The following IGSF22 variants were observed in gnomAD, a reference collection of about 807,000 sequenced individuals.
IGSF22 encodes immunoglobulin superfamily member 22.
Under a neutral mutation model 127.0 loss-of-function variants are expected in IGSF22, and 119 were observed. That is an observed-to-expected ratio of 0.94 (90% CI 0.81 to 1.09). The LOEUF is 1.09. Ranked by LOEUF, IGSF22 falls within the 50% of genes least tolerant of loss-of-function variation. The pLI is 0.00. For synonymous variants in IGSF22, 568 were observed against 664.7 expected (o/e 0.85, Z 2.24); for missense variants, 1,518 against 1,716.6 (o/e 0.88, Z 2.04).
At chr11:18,713,428 T>A (rs1848394679) in intron 14 of IGSF22, among the ~76,000 whole-genome samples, 1 of 152,194 alleles carries the variant, frequency 6.6e-6, no homozygotes, top group Non-Finnish European at 1.5e-5. Flanking sequence ...GCTGGGATTA[T>A]AGGTGTGAGC....
At position 18,717,016 on chromosome 11, in the gene IGSF22, G is replaced by A; in HGVS notation, c.974-16C>T. The A allele has an allele frequency of 6.2e-7, 1 of 1,613,110 alleles. No homozygotes were observed. The highest frequency in any genetic ancestry group is 8.5e-7 in the Non-Finnish European group (1 of 1,179,238). On this transcript the variant is annotated splice_polypyrimidine_tract_variant and intron_variant, in intron 9 of 22. Coordinates refer to ENST00000513874, the MANE Select transcript of IGSF22 (RefSeq NM_173588.4). ...AGTGGCTCATCTGCAGCAAACAGTA[G>A]GAGTGGTAGTCATTGGGCTGGTCCC...
rs1451678488 is a variant in IGSF22 at position 18,714,392 on chromosome 11, A to C, written c.1683T>G (p.Ile561Met). 1 of 1,613,998 alleles carries C rather than the reference A, an allele frequency of 6.2e-7. No homozygotes were observed. The highest frequency in any genetic ancestry group is 2.2e-5 in the East Asian group (1 of 44,872). The change falls in exon 13 of 23, where the codon ATT becomes ATG. Residue 561 changes from isoleucine (I) to methionine (M), a missense_variant. By Grantham distance (10) the Ile-to-Met change is conservative (BLOSUM62 1). Coordinates refer to ENST00000513874, the MANE Select transcript of IGSF22 (RefSeq NM_173588.4). ...GCTTGTGCACTGCACCCTGCTTCAC[A>C]ATCTGCATGCCTGGCAAGTCCGTGA... ...KEITDLPGMQ[I>M]VKQGAVHKLI... is the part of the protein sequence containing the mutation.
intron 7 of IGSF22, among the ~76,000 whole-genome samples, chr11:18,719,314 T>TTG (rs1848522490): frequency 7.3e-6 from 1 of 137,060 alleles, no homozygotes; most frequent in Admixed American, 7.2e-5. Context: ...CCAGCGGTTT[T>TTG]TTTTTGTTTT....
At chr11:18,721,145 G>A (rs1590455679) in intron 4 of IGSF22, among the ~76,000 whole-genome samples, 1 of 152,138 alleles carries the variant, frequency 6.6e-6, no homozygotes, top group Non-Finnish European at 1.5e-5. Context: ...CCTACTCTAC[G>A]GCGAGTCCCT....
Position 18,707,090 on chromosome 11 carries a change from C to G in IGSF22, c.3404G>C (p.Arg1135Pro), listed in dbSNP as rs1057009437. 1.3e-6 allele frequency: 2 copies of G among 1,551,606 alleles called. No individual in the cohort carries two copies. Among genetic ancestry groups the G allele is most frequent in the African/African-American group, 2.7e-5 (2 of 73,052 alleles). Residue 1135 changes from arginine to proline, a missense_variant, in exon 21 of 23, where the codon CGG becomes CCG. By Grantham distance (103) the Arg-to-Pro change is moderately radical. Transcript: ENST00000513874. ...GTACCAGGTGGCTGTGCTTGCATCC[C>G]GCTTCATGATGATGTAGTGAGCCTC... ...DGEAHYIIMK[R>P]DASTATWYTA... is the part of the protein sequence containing the mutation.
intron 7 of IGSF22, among the ~76,000 whole-genome samples, 185 bp from the exon 8 acceptor site, chr11:18,718,913 G>A (rs991453952): frequency 1.3e-5 from 2 of 152,164 alleles, no homozygotes; most frequent in African/African-American, 4.8e-5. Flanking sequence ...TACGGGGGAT[G>A]AGTAAAAAAC....
At chr11:18,704,759 G>T (rs971858847) in intron 22 of IGSF22, 1 of 516,446 alleles carries the variant, frequency 1.9e-6, no homozygotes, top group Non-Finnish European at 3.5e-6. Flanking sequence ...AAGCCTCATA[G>T]TCCTATAAAG....
In IGSF22 at chr11:18,721,422, CCCGGCTCTCGGGCCG is replaced by C; in HGVS notation, c.378+98_378+112del. 2.1e-6 allele frequency: 3 copies of C among 1,420,388 alleles called. No homozygotes were observed. In the South Asian group the frequency reaches 3.5e-5, roughly 16 times the overall value. 88.0% of individuals were successfully genotyped at this position (1,420,388 alleles called of 1,614,324 possible). A position where few individuals can be genotyped will look rare whatever the true frequency, so the allele number is the denominator to read the frequency against. On this transcript the variant is annotated intron_variant, in intron 4 of 22. Transcript: ENST00000513874. ...GCAATGACAGCTGCTTTTCCCACTGCCCGGCTCTCGGGCCGCCGTTAAGGCTCTCATCGGTGAGAA... is the reference window on the plus strand; with the variant it reads ...GCAATGACAGCTGCTTTTCCCACTGCCCGTTAAGGCTCTCATCGGTGAGAA...
At chr11:18,712,638 C>T (rs1214115023) in intron 14 of IGSF22, among the ~76,000 whole-genome samples, 1 of 152,220 alleles carries the variant, frequency 6.6e-6, no homozygotes, top group Non-Finnish European at 1.5e-5. Context: ...CTTAGCTGAT[C>T]TCCCTGTCCC....
chr11:18,720,017 CT>C, intron 6 of IGSF22, 46 bp downstream of exon 6: 3 of 1,612,918 alleles, frequency 1.9e-6, no homozygotes, highest in Non-Finnish European at 2.5e-6. Flanking sequence ...AGGCTTTGGC[CT>C]GGATGAGGAG....
chr11:18,710,250 C>T (rs1848326287), intron 17 of IGSF22, 77 bp downstream of exon 17: 1 of 1,573,768 alleles, frequency 6.4e-7, no homozygotes, highest in Non-Finnish European at 8.7e-7. Context: ...GTCATACTTT[C>T]CCGGGGAAGA....
intron 22 of IGSF22, chr11:18,705,563 AG>A: frequency 1.9e-6 from 1 of 539,264 alleles, no homozygotes; most frequent in Non-Finnish European, 3.3e-6. Flanking sequence ...AGGCAGGTCT[AG>A]GCTCACCAAG....
At chr11:18,711,541 G>A (rs1848356844) in intron 15 of IGSF22, among the ~76,000 whole-genome samples, 1 of 152,094 alleles carries the variant, frequency 6.6e-6, no homozygotes, top group Non-Finnish European at 1.5e-5. Flanking sequence ...AGGATGACAG[G>A]AGCCCGCCAC....
intron 2 of IGSF22, among the ~76,000 whole-genome samples, chr11:18,723,507 G>T (rs1255982678): frequency 6.6e-6 from 1 of 152,258 alleles, no homozygotes; most frequent in Non-Finnish European, 1.5e-5. Context: ...GGCAATGACT[G>T]TGAGAAGGGG....
chr11:18,718,567 G>T, intron 8 of IGSF22, 48 bp downstream of exon 8: 1 of 998,810 alleles, frequency 1.0e-6, no homozygotes, highest in Non-Finnish European at 1.6e-6. Context: ...GAAGGGGGTA[G>T]AGAGGAAGAG....
intron 7 of IGSF22, 51 bp downstream of exon 7, chr11:18,719,665 G>C: frequency 6.3e-7 from 1 of 1,576,562 alleles, no homozygotes; most frequent in Non-Finnish European, 8.6e-7. Context: ...AGCACTTTGG[G>C]TGAAGCCCTG....
rs1340520978 is a variant in IGSF22, at chr11:18,708,301, A to G, written c.2999-6T>C. 13 of 1,540,468 alleles carry G rather than the reference A, an allele frequency of 8.4e-6. No individual in the cohort carries two copies. The highest frequency in any genetic ancestry group is 1.1e-5 in the Non-Finnish European group (13 of 1,141,962). ...GAGGTCAAACTTGGGTGCAGCTGAG[A>G]TGGAGGAGACAGAGGTGGAGGCATG... On this transcript the variant is annotated splice_region_variant and splice_polypyrimidine_tract_variant and intron_variant, in intron 18 of 22. Transcript: ENST00000513874.
At chr11:18,712,472 A>G in intron 14 of IGSF22, 88 bp from the exon 15 acceptor site, 1 of 1,221,492 alleles carries the variant, frequency 8.2e-7, no homozygotes, top group Non-Finnish European at 1.1e-6. Flanking sequence ...TGCCCAGACT[A>G]GGGTATAGCT....
chr11:18,720,363 C>CTTTT, intron 4 of IGSF22, 78 bp from the exon 5 acceptor site: 1 of 845,270 alleles, frequency 1.2e-6, no homozygotes, highest in Non-Finnish European at 1.8e-6. Context: ...GGTAGGAGGC[C>CTTTT]TTTTTTTTTT....
Sources: gnomAD v4.1 joint callset for allele counts (sites outside exome capture counted in the v4.1 genomes callset) on GRCh38, gnomAD v4.1.1 for gene constraint, MANE v1.5 for transcripts, NCBI Gene and HGNC (gene_info 2026-07-23, HGNC 2026-07-21) for gene names.